Variants in PTPRN2 observed in about 807,000 individuals in gnomAD.
PTPRN2 encodes receptor-type tyrosine-protein phosphatase N2.
A neutral mutation model predicts 118.8 loss-of-function variants in PTPRN2; 74 were observed. The ratio of observed to expected loss-of-function variants is 0.62; its 90% CI spans 0.52 to 0.76. PTPRN2 has a LOEUF of 0.76. PTPRN2 is among the 30% of genes least tolerant of loss of function. The pLI, the probability that PTPRN2 is intolerant of heterozygous loss-of-function variation, is 0.00. For synonymous variants in PTPRN2, 641 were observed against 608.0 expected (o/e 1.05, Z -0.80); for missense variants, 1,481 against 1,394.4 (o/e 1.06, Z -0.99).
rs1827953309 is a variant in PTPRN2, at chr7:158,570,422, A to G, written c.112+17136T>C. 6.6e-6 allele frequency among the ~76,000 whole-genome samples: 1 copy of G among 152,300 alleles called. No individual in the cohort carries two copies. Among genetic ancestry groups the G allele is most frequent in the South Asian group, 2.1e-4 (1 of 4,816 alleles). On this transcript the variant is annotated intron_variant, in intron 1 of 22. Coordinates refer to ENST00000389418, the MANE Select transcript of PTPRN2 (RefSeq NM_002847.5). The surrounding 1 kb of genome is among the most constrained non-coding windows in gnomAD (Gnocchi z 4.5). ...ATGAGGACAGAACCGAGCGCCCTCCAGCACCCTCTCCCACCATCCATCCTC... is the reference window on the plus strand; with the variant it reads ...ATGAGGACAGAACCGAGCGCCCTCCGGCACCCTCTCCCACCATCCATCCTC...
At chr7:157,567,710 A>G (rs771389810) in intron 21 of PTPRN2, among the ~76,000 whole-genome samples, 5 of 152,080 alleles carry the variant, frequency 3.3e-5, no homozygotes, top group Non-Finnish European at 7.4e-5. Flanking sequence ...GAACACATAT[A>G]CGTGTGTGTG....
chr7:158,112,919 C>A (rs898462679), intron 9 of PTPRN2, among the ~76,000 whole-genome samples: 2 of 151,994 alleles, frequency 1.3e-5, no homozygotes, highest in Non-Finnish European at 2.9e-5. Flanking sequence ...GGGAGCTGTA[C>A]GACCAGAGGT....
At chr7:158,149,876 T>C (rs1475351647) in intron 6 of PTPRN2, among the ~76,000 whole-genome samples, 2 of 151,336 alleles carry the variant, frequency 1.3e-5, no homozygotes, top group Non-Finnish European at 2.9e-5. Flanking sequence ...ATTTTTGGGA[T>C]CTAAGTTATG....
At chr7:158,393,068 G>A (rs1466838510) in intron 2 of PTPRN2, among the ~76,000 whole-genome samples, 1 of 152,048 alleles carries the variant, frequency 6.6e-6, no homozygotes, top group Non-Finnish European at 1.5e-5. Flanking sequence ...AGGAAGGGGA[G>A]TCCTTTCCAG....
chr7:158,274,935 G>T (rs956886805), intron 3 of PTPRN2, among the ~76,000 whole-genome samples: 2 of 152,192 alleles, frequency 1.3e-5, no homozygotes, highest in Non-Finnish European at 1.5e-5. Context: ...ACCATCTCCT[G>T]GCTGCCTTTT....
intron 10 of PTPRN2, among the ~76,000 whole-genome samples, chr7:158,103,095 C>A (rs1376804298): frequency 6.6e-6 from 1 of 152,174 alleles, no homozygotes; most frequent in Non-Finnish European, 1.5e-5. Flanking sequence ...CAGAAGCAGG[C>A]GTGAGCACCT....
intron 11 of PTPRN2, among the ~76,000 whole-genome samples, chr7:157,945,836 C>T (rs1800453256): frequency 6.6e-6 from 1 of 152,110 alleles, no homozygotes; most frequent in Non-Finnish European, 1.5e-5. Flanking sequence ...CCAGCCACAC[C>T]ACTTCCTGGC....
chr7:158,085,313 GACGCCCATTCA>G (rs1813240975), intron 10 of PTPRN2, among the ~76,000 whole-genome samples: 1 of 97,306 alleles, frequency 1.0e-5, no homozygotes, highest in African/African-American at 4.6e-5. Flanking sequence ...CCACACCCAC[GACGCCCATTCA>G]CACATGCCCA....
At chr7:158,476,498 C>T (rs773143376) in intron 2 of PTPRN2, among the ~76,000 whole-genome samples, 8 of 152,250 alleles carry the variant, frequency 5.3e-5, no homozygotes, top group South Asian at 2.1e-4. Context: ...CAGCCAAGGA[C>T]GCACGAAGGA....
chr7:158,400,158 AT>A (rs1257025879), intron 2 of PTPRN2, among the ~76,000 whole-genome samples: 1 of 152,150 alleles, frequency 6.6e-6, no homozygotes, highest in Non-Finnish European at 1.5e-5. Context: ...TTTAATGAGG[AT>A]GCCTAAACTT....
At chr7:158,418,318 A>G (rs1814921422) in intron 2 of PTPRN2, among the ~76,000 whole-genome samples, 2 of 149,668 alleles carry the variant, frequency 1.3e-5, no homozygotes, top group Admixed American at 1.3e-4. Context: ...GTCATGGTGT[A>G]CTACATCGAG....
chr7:158,333,527 T>A (rs1804928444), intron 2 of PTPRN2, among the ~76,000 whole-genome samples: 1 of 149,056 alleles, frequency 6.7e-6, no homozygotes, highest in South Asian at 2.1e-4. Context: ...CCATAAGACC[T>A]GACACTCGCA....
chr7:158,462,757 G>C (rs1235098362), intron 2 of PTPRN2, among the ~76,000 whole-genome samples: 2 of 152,200 alleles, frequency 1.3e-5, no homozygotes, highest in Non-Finnish European at 2.9e-5. Context: ...CCAGCTCACA[G>C]TCCGCAAAAC....
At chr7:157,969,755 C>G (rs985971436) in intron 11 of PTPRN2, among the ~76,000 whole-genome samples, 1 of 151,734 alleles carries the variant, frequency 6.6e-6, no homozygotes, top group African/African-American at 2.4e-5. Context: ...GGAGAAAGGC[C>G]CAAGCAGAAA....
chr7:158,414,341 G>A (rs539307686), intron 2 of PTPRN2, among the ~76,000 whole-genome samples: 8 of 152,176 alleles, frequency 5.3e-5, no homozygotes, highest in Non-Finnish European at 1.0e-4. Context: ...AGAATTAACG[G>A]GCTGGAGCAT....
intron 12 of PTPRN2, among the ~76,000 whole-genome samples, chr7:157,716,190 C>T (rs1241700046): frequency 6.6e-6 from 1 of 152,264 alleles, no homozygotes; most frequent in East Asian, 1.9e-4. Context: ...CTGTGAGGAA[C>T]TCATACACCT....
In PTPRN2 at chr7:157,587,238, A is replaced by G. The variant is rs1435585553; in HGVS notation, c.2496+8000T>C. Among the ~76,000 whole-genome samples the G allele has an allele frequency of 6.7e-6, 1 of 150,210 alleles. No homozygotes were observed. The highest frequency in any genetic ancestry group is 1.5e-5 in the Non-Finnish European group (1 of 67,848). On this transcript the variant is annotated intron_variant, in intron 17 of 22. Transcript: ENST00000389418. This position sits in a 1 kb window ranked among gnomAD's most constrained non-coding sequence, Gnocchi z 5.3. Reference sequence around the variant, plus strand: ...ACAAGACACACAGGCAGACAGGCAGACAGCGAGACAGGCAGACAGACAGGC... The same window carrying G: ...ACAAGACACACAGGCAGACAGGCAGGCAGCGAGACAGGCAGACAGACAGGC...
In PTPRN2 at chr7:157,779,789, T is replaced by C. The variant is rs1803564978; in HGVS notation, c.1789-96852A>G. Among the ~76,000 whole-genome samples, 1 of 152,042 alleles carries C rather than the reference T, an allele frequency of 6.6e-6. No homozygotes were observed. The highest frequency in any genetic ancestry group is 6.6e-5 in the Admixed American group (1 of 15,254). On this transcript the variant is annotated intron_variant, in intron 12 of 22. Transcript: ENST00000389418. The surrounding 1 kb of genome is among the most constrained non-coding windows in gnomAD (Gnocchi z 4.7). ...CTGGGTCACCCAGGGCACCCCGAGG[T>C]CATCAGCCTGAGGAAGAGTGCTGGG...
chr7:158,227,846 G>C (rs1828909501), intron 3 of PTPRN2, among the ~76,000 whole-genome samples: 1 of 152,204 alleles, frequency 6.6e-6, no homozygotes, highest in African/African-American at 2.4e-5. Flanking sequence ...AGAAGACAGG[G>C]TCATAGTTCC....
Sources: gnomAD v4.1 joint callset for allele counts (sites outside exome capture counted in the v4.1 genomes callset) on GRCh38, gnomAD v4.1.1 for gene constraint, Gnocchi (gnomAD v3.1) non-coding constraint, MANE v1.5 for transcripts, NCBI Gene and HGNC (gene_info 2026-07-23, HGNC 2026-07-21) for gene names.